The following LDLRAD4 variants were observed in gnomAD, a reference collection of about 807,000 sequenced individuals.
The protein encoded by LDLRAD4 is low density lipoprotein receptor class A domain containing 4.
A neutral mutation model predicts 17.0 loss-of-function variants in LDLRAD4; 5 were observed. The observed-to-expected ratio is 0.29, with a 90% confidence interval of 0.15 to 0.62. The LOEUF (loss-of-function observed/expected upper bound fraction) is 0.62. LDLRAD4 is among the 20% of genes least tolerant of loss of function. The pLI, the probability that LDLRAD4 is intolerant of heterozygous loss-of-function variation, is 0.84. For missense variants in LDLRAD4, 340 were observed against 424.7 expected (o/e 0.80, Z 1.75); for synonymous variants, 168 against 171.8 (o/e 0.98, Z 0.17).
chr18:13,368,760 G>A (rs2084252712), intron 1 of LDLRAD4, among the ~76,000 whole-genome samples: 1 of 152,220 alleles, frequency 6.6e-6, no homozygotes, highest in Non-Finnish European at 1.5e-5. Flanking sequence ...TGTGTAGGCT[G>A]TTTGATGACT....
intron 1 of LDLRAD4, among the ~76,000 whole-genome samples, chr18:13,246,628 G>A (rs1280881697): frequency 5.3e-5 from 8 of 152,244 alleles, no homozygotes; most frequent in African/African-American, 1.9e-4. Flanking sequence ...GGAGTGGGCA[G>A]GAGTCTGTAA....
intron 1 of LDLRAD4, among the ~76,000 whole-genome samples, chr18:13,231,993 C>G (rs987028221): frequency 3.9e-5 from 6 of 152,232 alleles, no homozygotes; most frequent in African/African-American, 1.4e-4. Flanking sequence ...GGTGGCTGGG[C>G]AGGCACCCAC....
At chr18:13,473,636 C>CATAT (rs71366054) in intron 3 of LDLRAD4, among the ~76,000 whole-genome samples, 967 of 28,608 alleles carry the variant, frequency 0.034, 25 homozygotes, top group Middle Eastern at 0.043. Flanking sequence ...GATCCCATCT[C>CATAT]ATATATATAT....
At chr18:13,315,556 G>A (rs796821931) in intron 1 of LDLRAD4, among the ~76,000 whole-genome samples, 27 of 152,194 alleles carry the variant, frequency 1.8e-4, no homozygotes, top group African/African-American at 4.6e-4. Context: ...AGGCCGAGGC[G>A]GGAGGATCAC....
chr18:13,457,063 A>G (rs1046073180), intron 3 of LDLRAD4, among the ~76,000 whole-genome samples: 1 of 152,224 alleles, frequency 6.6e-6, no homozygotes, highest in African/African-American at 2.4e-5. Flanking sequence ...CCCACAGCCC[A>G]GCAGTGGACA....
In LDLRAD4 at chr18:13,442,811, G is replaced by A. The variant is rs546424881; in HGVS notation, c.181+4427G>A. On this transcript the variant is annotated intron_variant, in intron 3 of 5. Transcript: ENST00000359446. Reference sequence around the variant, plus strand: ...CAGCCTGGCAAGTGCCACGCCCTCCGAAAGCCTTGGTGAGCACAGACCCCC... The same window carrying A: ...CAGCCTGGCAAGTGCCACGCCCTCCAAAAGCCTTGGTGAGCACAGACCCCC... Among the ~76,000 whole-genome samples, 7 of 152,308 alleles carry A rather than the reference G, an allele frequency of 4.6e-5. No homozygotes were observed. In the South Asian group the frequency reaches 1.0e-3, roughly 23 times the overall value.
chr18:13,407,206 G>A (rs1424882403), intron 2 of LDLRAD4, among the ~76,000 whole-genome samples: 4 of 152,138 alleles, frequency 2.6e-5, no homozygotes, highest in East Asian at 1.9e-4. Context: ...TGTCACCTGC[G>A]CGACTCTGGT....
chr18:13,350,382 T>G (rs1010687603), intron 1 of LDLRAD4, among the ~76,000 whole-genome samples: 36 of 152,258 alleles, frequency 2.4e-4, no homozygotes, highest in South Asian at 2.1e-4. Context: ...TAATGACCAG[T>G]GATGATGAGC....
intron 4 of LDLRAD4, among the ~76,000 whole-genome samples, chr18:13,626,327 C>T (rs148360404): frequency 2.4e-4 from 37 of 152,232 alleles, no homozygotes; most frequent in Middle Eastern, 3.4e-3. Flanking sequence ...AGACACAGCC[C>T]GGAGAGCTAT....
chr18:13,530,846 C>T (rs933891155), intron 3 of LDLRAD4, among the ~76,000 whole-genome samples: 4 of 149,828 alleles, frequency 2.7e-5, no homozygotes, highest in Non-Finnish European at 5.9e-5. Context: ...TGGTGAGCAG[C>T]CCCCGCAGAT....
At chr18:13,299,947 C>A (rs904481012) in intron 1 of LDLRAD4, among the ~76,000 whole-genome samples, 3 of 152,164 alleles carry the variant, frequency 2.0e-5, no homozygotes, top group Non-Finnish European at 4.4e-5. Flanking sequence ...GTCCTCATGT[C>A]TGGAGGATAT....
chr18:13,231,333 G>C (rs1323503746), intron 1 of LDLRAD4, among the ~76,000 whole-genome samples: 1 of 152,152 alleles, frequency 6.6e-6, no homozygotes, highest in African/African-American at 2.4e-5. Flanking sequence ...TTTTGGGAGC[G>C]GGAGTGAACC....
chr18:13,337,528 G>A (rs1568021995), intron 1 of LDLRAD4, among the ~76,000 whole-genome samples: 2 of 152,118 alleles, frequency 1.3e-5, no homozygotes, highest in South Asian at 2.1e-4. Flanking sequence ...TTACAGATAA[G>A]GAAAGTGGTT....
At chr18:13,597,964 T>C (rs1367498976) in intron 3 of LDLRAD4, among the ~76,000 whole-genome samples, 1 of 152,242 alleles carries the variant, frequency 6.6e-6, no homozygotes, top group Non-Finnish European at 1.5e-5. Context: ...TTCCTTGATT[T>C]CTTTGAACAT....
chr18:13,295,437 G>A (rs753100520), intron 1 of LDLRAD4, among the ~76,000 whole-genome samples: 26 of 152,332 alleles, frequency 1.7e-4, no homozygotes, highest in Admixed American at 3.9e-4. Context: ...GAAGCCTGGC[G>A]TGGGTGCAGG....
intron 2 of LDLRAD4, among the ~76,000 whole-genome samples, chr18:13,411,549 T>C (rs948304887): frequency 1.3e-5 from 2 of 152,192 alleles, no homozygotes; most frequent in Admixed American, 6.5e-5. Flanking sequence ...TTTCCTATGC[T>C]GTTCTCATGA....
chr18:13,461,516 G>A (rs1282447744), intron 3 of LDLRAD4: 1 of 152,202 alleles, frequency 6.6e-6, no homozygotes, highest in Non-Finnish European at 1.5e-5. Flanking sequence ...AAAGAATAAA[G>A]CAACAAAAGC....
chr18:13,457,062 C>T (rs2146485928), intron 3 of LDLRAD4, among the ~76,000 whole-genome samples: 1 of 152,336 alleles, frequency 6.6e-6, no homozygotes, highest in East Asian at 1.9e-4. Context: ...CCCCACAGCC[C>T]AGCAGTGGAC....
At chr18:13,320,920 G>A (rs1041052909) in intron 1 of LDLRAD4, among the ~76,000 whole-genome samples, 6 of 152,196 alleles carry the variant, frequency 3.9e-5, no homozygotes, top group Non-Finnish European at 8.8e-5. Flanking sequence ...GCTCCTCTCC[G>A]TGACTGGACA....
Sources: allele counts gnomAD v4.1 joint callset (sites outside exome capture counted in the v4.1 genomes callset), GRCh38; gene constraint gnomAD v4.1.1; transcripts MANE v1.5; gene names NCBI Gene and HGNC (gene_info 2026-07-23, HGNC 2026-07-21).